The following PPP2R2B variants were observed in gnomAD, a reference collection of about 807,000 sequenced individuals.
PPP2R2B encodes protein phosphatase 2 regulatory subunit Bbeta.
In PPP2R2B, 5 loss-of-function variants were observed where a neutral mutation model predicts 46.0. The ratio of observed to expected loss-of-function variants is 0.11; its 90% CI spans 0.06 to 0.23. PPP2R2B has a LOEUF of 0.23. Ranked by LOEUF, PPP2R2B falls within the 10% of genes least tolerant of loss-of-function variation. The pLI is 1.00. For missense variants in PPP2R2B, 367 were observed against 575.0 expected, an observed-to-expected ratio of 0.64 and a Z score of 3.70; for synonymous variants, 215 against 206.7, an observed-to-expected ratio of 1.04 and a Z score of -0.34.
At chr5:146,650,472 A>C in intron 6 of PPP2R2B, 75 bp downstream of exon 6, 1 of 1,401,468 alleles carries the variant, frequency 7.1e-7, no homozygotes, top group Non-Finnish European at 9.7e-7. Context: ...TCTATTCCAT[A>C]TTTTCTCCCA....
At chr5:146,757,759 AC>A (rs1236231006) in intron 2 of PPP2R2B, among the ~76,000 whole-genome samples, 1 of 152,198 alleles carries the variant, frequency 6.6e-6, no homozygotes, top group Non-Finnish European at 1.5e-5. Context: ...ATCCTGTGGA[AC>A]CAAACTGCAA....
At chr5:146,919,756 T>G (rs1394034697) in intron 1 of PPP2R2B, 1 of 152,230 alleles carries the variant, frequency 6.6e-6, no homozygotes, top group Non-Finnish European at 1.5e-5. Context: ...ATTCTTGCTA[T>G]GTAGTTGAGT....
At chr5:146,806,724 A>G (rs1182093516) in intron 2 of PPP2R2B, among the ~76,000 whole-genome samples, 1 of 152,242 alleles carries the variant, frequency 6.6e-6, no homozygotes, top group Admixed American at 6.5e-5. Context: ...ACCAACCAGG[A>G]TAGTATGAAT....
chr5:147,014,464 T>C (rs1754898206), intron 1 of PPP2R2B, among the ~76,000 whole-genome samples: 1 of 151,944 alleles, frequency 6.6e-6, no homozygotes, highest in South Asian at 2.1e-4. Context: ...TTTTTCACAA[T>C]AGCAAAGACT....
intron 7 of PPP2R2B, among the ~76,000 whole-genome samples, chr5:146,633,555 C>A (rs950417032): frequency 1.3e-5 from 2 of 152,238 alleles, no homozygotes; most frequent in African/African-American, 2.4e-5. Flanking sequence ...TTGAAGGAGT[C>A]AGGAAAATGA....
At chr5:146,837,567 T>C (rs902015537) in intron 2 of PPP2R2B, among the ~76,000 whole-genome samples, 1 of 152,242 alleles carries the variant, frequency 6.6e-6, no homozygotes, top group African/African-American at 2.4e-5. Flanking sequence ...TAAAATTTTC[T>C]AGCAGCCACA....
chr5:146,643,236 T>C (rs1400764656), intron 6 of PPP2R2B, among the ~76,000 whole-genome samples: 1 of 152,140 alleles, frequency 6.6e-6, no homozygotes, highest in Non-Finnish European at 1.5e-5. Flanking sequence ...TTCACTCATT[T>C]CTTTCTTTGT....
At chr5:147,045,818 G>A (rs998655733) in intron 1 of PPP2R2B, among the ~76,000 whole-genome samples, 1 of 152,046 alleles carries the variant, frequency 6.6e-6, no homozygotes, top group African/African-American at 2.4e-5. Context: ...CTTTCCCTCA[G>A]AATCTTGCTT....
intron 1 of PPP2R2B, among the ~76,000 whole-genome samples, chr5:146,917,244 G>A (rs567984276): frequency 6.6e-6 from 1 of 152,342 alleles, no homozygotes; most frequent in South Asian, 2.1e-4. Flanking sequence ...TGCACAGGCT[G>A]TCTTTGCTGT....
intron 6 of PPP2R2B, among the ~76,000 whole-genome samples, chr5:146,641,959 A>G (rs1208681535): frequency 2.0e-5 from 3 of 152,048 alleles, no homozygotes; most frequent in Non-Finnish European, 2.9e-5. Flanking sequence ...CTAATATACA[A>G]CCCCGACAGC....
At chr5:146,909,457 T>C (rs1479353004) in intron 1 of PPP2R2B, among the ~76,000 whole-genome samples, 1 of 152,218 alleles carries the variant, frequency 6.6e-6, no homozygotes, top group African/African-American at 2.4e-5. Flanking sequence ...AAGAGGTCAG[T>C]AAAGCTCTTC....
At chr5:146,801,900 C>T (rs747155168) in intron 2 of PPP2R2B, among the ~76,000 whole-genome samples, 1 of 152,188 alleles carries the variant, frequency 6.6e-6, no homozygotes, top group Non-Finnish European at 1.5e-5. Context: ...TGAGTTAGTG[C>T]TCCAAGTGGC....
chr5:146,697,881 A>G (rs1418020836), intron 4 of PPP2R2B, 98 bp downstream of exon 4: 3 of 1,218,738 alleles, frequency 2.5e-6, no homozygotes, highest in Non-Finnish European at 3.4e-6. Context: ...GTTTTTCAAC[A>G]GCCCACACAG....
rs1432537023 is a variant in PPP2R2B, at chr5:147,078,597, C to A, written c.50+2462G>T. ...GGTCAGGAGTTCGAGACCATCCTGG[C>A]TAACACGGTGAAACCCCATCTCTAC... On this transcript the variant is annotated intron_variant, in intron 2 of 10. Transcript: ENST00000394413. 3.9e-5 allele frequency among the ~76,000 whole-genome samples: 6 copies of A among 151,962 alleles called. No homozygotes were observed. In the East Asian group the frequency reaches 1.2e-3, roughly 29 times the overall value.
At chr5:147,025,611 A>G (rs974260794) in intron 1 of PPP2R2B, among the ~76,000 whole-genome samples, 2 of 152,064 alleles carry the variant, frequency 1.3e-5, no homozygotes, top group African/African-American at 2.4e-5. Context: ...TGTAAAAGAT[A>G]CCGTGAAGAG....
chr5:146,931,526 T>C (rs934969714), intron 1 of PPP2R2B, among the ~76,000 whole-genome samples: 3 of 152,212 alleles, frequency 2.0e-5, no homozygotes, highest in Non-Finnish European at 4.4e-5. Flanking sequence ...TGTTTGCTTA[T>C]CGAGATTTAC....
chr5:146,812,804 TATATATATATATATATATATATATACAC>T (rs1481212788), intron 2 of PPP2R2B, among the ~76,000 whole-genome samples: 2 of 56,508 alleles, frequency 3.5e-5, no homozygotes, highest in African/African-American at 1.4e-4. Flanking sequence ...TATATATATA[TATATATATATATATATATATATATACAC>T]ACACATTTCC....
At chr5:147,037,947 G>C (rs1228109359) in intron 1 of PPP2R2B, among the ~76,000 whole-genome samples, 2 of 152,096 alleles carry the variant, frequency 1.3e-5, no homozygotes, top group African/African-American at 2.4e-5. Flanking sequence ...TGTTTGTTGA[G>C]GGAATGAGTA....
intron 3 of PPP2R2B, among the ~76,000 whole-genome samples, 173 bp from the exon 4 acceptor site, chr5:146,698,317 A>AAAATATATAT (rs1250416449): frequency 4.7e-5 from 4 of 85,642 alleles, no homozygotes; most frequent in Non-Finnish European, 8.0e-5. Flanking sequence ...AAAAAAAAAA[A>AAAATATATAT]ATATATATAT....
Sources: allele counts gnomAD v4.1 joint callset (sites outside exome capture counted in the v4.1 genomes callset), GRCh38; gene constraint gnomAD v4.1.1; transcripts MANE v1.5; gene names NCBI Gene and HGNC (gene_info 2026-07-23, HGNC 2026-07-21).